The following FBLN1 variants were observed in gnomAD, a reference collection of about 807,000 sequenced individuals.
The protein encoded by FBLN1 is fibulin 1, also known as fibulin-1.
A neutral mutation model predicts 89.7 loss-of-function variants in FBLN1; 34 were observed. The ratio of observed to expected loss-of-function variants is 0.38; its 90% confidence interval spans 0.29 to 0.50. The LOEUF is 0.50. Ranked by LOEUF, FBLN1 falls within the 20% of genes least tolerant of loss-of-function variation. FBLN1 has a pLI of 0.92. For synonymous variants in FBLN1, 393 were observed against 391.3 expected (o/e 1.00, Z -0.05); for missense variants, 777 against 988.1 (o/e 0.79, Z 2.86).
chr22:45,578,727 G>A lies in FBLN1; in HGVS notation c.1972+1619G>A, dbSNP rs1320112837. 6.6e-6 allele frequency among the ~76,000 whole-genome samples: 1 copy of A among 152,212 alleles called. No homozygotes were observed. The highest frequency in any genetic ancestry group is 1.5e-5 in the Non-Finnish European group (1 of 68,048). On this transcript the variant is annotated intron_variant, in intron 16 of 16. Coordinates refer to ENST00000327858, the MANE Select transcript of FBLN1 (RefSeq NM_006486.3). The surrounding 1 kb of genome is among the most constrained non-coding windows in gnomAD (Gnocchi z 4.6). The stretch of plus-strand genomic sequence containing the variant: ...GGGGCCAGCCCTGTGCTTGATGCTG[G>A]GCCTGCAGTTGTGGCTGGGACATGG...
At chr22:45,520,508 A>G (rs149835751) in intron 2 of FBLN1, among the ~76,000 whole-genome samples, 2 of 152,136 alleles carry the variant, frequency 1.3e-5, no homozygotes, top group Non-Finnish European at 2.9e-5. Flanking sequence ...TCATTTAACT[A>G]TGTCACCCAT....
chr22:45,572,417 G>T lies in FBLN1; in HGVS notation c.1698-2094G>T, dbSNP rs1350966209. 6.6e-6 allele frequency among the ~76,000 whole-genome samples: 1 copy of T among 152,164 alleles called. No individual in the cohort carries two copies. The highest frequency in any genetic ancestry group is 1.5e-5 in the Non-Finnish European group (1 of 68,040). Reference sequence around the variant, plus strand: ...CCTCATCGGAGTGGCTTCCATCATGGGTTCATACTGATTTTTTTTTCCCCA... The same window carrying T: ...CCTCATCGGAGTGGCTTCCATCATGTGTTCATACTGATTTTTTTTTCCCCA... On this transcript the variant is annotated intron_variant, in intron 14 of 16. Coordinates refer to ENST00000327858, the MANE Select transcript of FBLN1 (RefSeq NM_006486.3). This position sits in a 1 kb window ranked among gnomAD's most constrained non-coding sequence, Gnocchi z 5.8.
At chr22:45,600,206 C>T in intron 16 of FBLN1, 101 bp from the exon 17 acceptor site, 1 of 1,433,530 alleles carries the variant, frequency 7.0e-7, no homozygotes, top group South Asian at 1.2e-5. Context: ...AGGTCTATGC[C>T]TCCTTCTAGC....
chr22:45,570,348 AAG>A (rs2088942020), intron 14 of FBLN1, among the ~76,000 whole-genome samples: 1 of 86,598 alleles, frequency 1.2e-5, no homozygotes, highest in Admixed American at 1.1e-4. Context: ...AAGAAAAGAA[AAG>A]AAAAGAAAAA....
Position 45,535,278 on chromosome 22 carries a change from G to C in FBLN1, c.863G>C (p.Cys288Ser). ...CAGAATACTCTGGGATCCTTCCGCT[G>C]CCGACCCAAGCTACAGTGCAAGAGT... The part of the protein sequence containing the change: ...ICQNTLGSFR[C>S]RPKLQCKSGF... Residue 288 changes from cysteine (C) to serine (S), a missense_variant, in exon 8 of 17, where the codon TGC becomes TCC. Coordinates refer to ENST00000327858, the MANE Select transcript of FBLN1 (RefSeq NM_006486.3). 2 of 1,614,162 alleles carry C rather than the reference G, an allele frequency of 1.2e-6. No homozygotes were observed. Among genetic ancestry groups the C allele is most frequent in the Non-Finnish European group, 1.7e-6 (2 of 1,180,020 alleles).
In FBLN1 at chr22:45,576,640, C is replaced by T. The variant is rs760190299; in HGVS notation, c.1841-337C>T. ...TGCTGTCTCCCTCTGTCCCCTCACT[C>T]GCTTTCCTCCTCTGGTCCCCACCTT... On this transcript the variant is annotated intron_variant, in intron 15 of 16. Coordinates refer to ENST00000327858, the MANE Select transcript of FBLN1 (RefSeq NM_006486.3). The surrounding 1 kb of genome is among the most constrained non-coding windows in gnomAD (Gnocchi z 5.2). 5.3e-5 allele frequency among the ~76,000 whole-genome samples: 8 copies of T among 152,152 alleles called. No homozygotes were observed. The highest frequency in any genetic ancestry group is 1.4e-4 in the African/African-American group (6 of 41,444).
rs75019356 is a variant in FBLN1, at chr22:45,582,643, G to A, written c.1972+5535G>A. On this transcript the variant is annotated intron_variant, in intron 16 of 16. Transcript: ENST00000327858. ...GCTGGGGCTGGCTGCAATTTAGGGAGGATCTTTCTAGGCTGGGGCAGGAGC... is the reference window on the plus strand; with the variant it reads ...GCTGGGGCTGGCTGCAATTTAGGGAAGATCTTTCTAGGCTGGGGCAGGAGC... 2.6e-3 allele frequency among the ~76,000 whole-genome samples: 398 copies of A among 152,316 alleles called. 2 individuals are homozygous for A. The highest frequency in any genetic ancestry group is 3.8e-3 in the Non-Finnish European group (261 of 68,030).
In FBLN1 at chr22:45,565,036, G is replaced by C. The variant is rs749899408; in HGVS notation, c.1698-9475G>C. The stretch of plus-strand genomic sequence containing the variant: ...ACAGACAGTCAGCTCCACACCTTGC[G>C]CTGAGCAGCTGTGATTGTGCCACGG... On this transcript the variant is annotated intron_variant, in intron 14 of 16. Transcript: ENST00000327858. 3 of 1,610,720 alleles carry C rather than the reference G, an allele frequency of 1.9e-6. No homozygotes were observed. In the African/African-American group the frequency reaches 4.0e-5, roughly 22 times the overall value.
chr22:45,546,933 T>C, intron 11 of FBLN1, 152 bp from the exon 12 acceptor site: 2 of 1,207,100 alleles, frequency 1.7e-6, no homozygotes, highest in South Asian at 2.5e-5. Context: ...ATGACGCCTC[T>C]CCCTCGGCCA....
chr22:45,526,741 C>G (rs953514014), intron 3 of FBLN1, among the ~76,000 whole-genome samples: 1 of 152,178 alleles, frequency 6.6e-6, no homozygotes, highest in African/African-American at 2.4e-5. Context: ...TTTCACAGGG[C>G]AGGGCTCTGG....
chr22:45,573,718 C>T (rs981684869), intron 14 of FBLN1, among the ~76,000 whole-genome samples: 2 of 148,272 alleles, frequency 1.3e-5, no homozygotes, highest in African/African-American at 5.0e-5. Flanking sequence ...TAGAGCACTG[C>T]CGTGGGACTC....
chr22:45,594,805 G>T (rs1248731809), intron 16 of FBLN1, among the ~76,000 whole-genome samples: 1 of 151,820 alleles, frequency 6.6e-6, no homozygotes, highest in Non-Finnish European at 1.5e-5. Context: ...TGAATGGATG[G>T]ATGGTTGGAT....
intron 7 of FBLN1, among the ~76,000 whole-genome samples, chr22:45,534,170 A>G (rs1442998483): frequency 6.6e-6 from 1 of 151,650 alleles, no homozygotes; most frequent in Non-Finnish European, 1.5e-5. Context: ...CTGTTAGGAA[A>G]GATTTACGTT....
At chr22:45,534,579 G>A (rs1008865280) in intron 7 of FBLN1, among the ~76,000 whole-genome samples, 1 of 152,194 alleles carries the variant, frequency 6.6e-6, no homozygotes, top group Admixed American at 6.5e-5. Flanking sequence ...GTCACTCACT[G>A]TATCATGAGA....
At chr22:45,551,381 G>A (rs1329686473) in intron 14 of FBLN1, among the ~76,000 whole-genome samples, 1 of 152,212 alleles carries the variant, frequency 6.6e-6, no homozygotes, top group African/African-American at 2.4e-5. Flanking sequence ...CGAGGCCTTG[G>A]CCCCTTGACC....
chr22:45,524,333 C>T lies in FBLN1; in HGVS notation c.186-1210C>T, dbSNP rs138626624. On this transcript the variant is annotated intron_variant, in intron 2 of 16. Transcript: ENST00000327858. ...ATTTTGGGTCTGGTCAGGGGCCACCCGTGACACACTCCTCTCCTGCTCATT... is the reference window on the plus strand; with the variant it reads ...ATTTTGGGTCTGGTCAGGGGCCACCTGTGACACACTCCTCTCCTGCTCATT... Among the ~76,000 whole-genome samples the T allele has an allele frequency of 4.6e-3, 701 of 152,332 alleles. 3 individuals are homozygous for T. The highest frequency in any genetic ancestry group is 0.027 in the Middle Eastern group (8 of 294).
chr22:45,533,669 C>T, intron 6 of FBLN1, 92 bp from the exon 7 acceptor site: 2 of 1,495,184 alleles, frequency 1.3e-6, no homozygotes, highest in East Asian at 2.3e-5. Context: ...CAGGGAAGCA[C>T]TTCCACCGTG....
chr22:45,557,589 G>T lies in FBLN1; in HGVS notation c.1697+6974G>T, dbSNP rs567007158. 6.6e-6 allele frequency among the ~76,000 whole-genome samples: 1 copy of T among 152,324 alleles called. No individual in the cohort carries two copies. The highest frequency in any genetic ancestry group is 2.1e-4 in the South Asian group (1 of 4,820). ...ATGGGTCCATTGGGCAATGACAGGG[G>T]TGGCTGGGGAAAGAGGCCGAGTGGT... On this transcript the variant is annotated intron_variant, in intron 14 of 16. Coordinates refer to ENST00000327858, the MANE Select transcript of FBLN1 (RefSeq NM_006486.3). This position sits in a 1 kb window ranked among gnomAD's most constrained non-coding sequence, Gnocchi z 4.9.
intron 1 of FBLN1, among the ~76,000 whole-genome samples, chr22:45,508,419 G>A (rs1335180401): frequency 6.6e-6 from 1 of 151,740 alleles, no homozygotes. Flanking sequence ...CCGCCACCAC[G>A]CCTGGCTAAT....
Sources: allele counts gnomAD v4.1 joint callset (sites outside exome capture counted in the v4.1 genomes callset), GRCh38; gene constraint gnomAD v4.1.1; non-coding constraint Gnocchi (gnomAD v3.1); transcripts MANE v1.5; gene names NCBI Gene and HGNC (gene_info 2026-07-23, HGNC 2026-07-21).